FAAH2: variants seen among roughly 807,000 people sequenced by gnomAD.
FAAH2 encodes the protein fatty acid amide hydrolase 2.
A neutral mutation model predicts 36.9 loss-of-function variants in FAAH2; 60 were observed. The ratio of observed to expected loss-of-function variants is 1.63; its 90% CI spans 1.32 to 2.02. FAAH2 has a LOEUF of 2.02. Ranked by LOEUF, FAAH2 falls within the 30% of genes most tolerant of loss-of-function variation. FAAH2 has a pLI of 0.00. For missense variants in FAAH2, 689 were observed against 397.5 expected, an observed-to-expected ratio of 1.73 and a Z score of -6.23; for synonymous variants, 214 against 143.8, an observed-to-expected ratio of 1.49 and a Z score of -3.49.
chrX:57,139,459 CTTGTTTGT>C, the FAAH2 span, among the ~76,000 whole-genome samples: 1 of 110,956 alleles, frequency 9.0e-6, no homozygotes, highest in Non-Finnish European at 1.9e-5. Context: ...TTTTTGTTTG[CTTGTTTGT>C]TTGTTTGTTT....
At chrX:57,402,106 G>A (rs1054019036) in intron 7 of FAAH2, among the ~76,000 whole-genome samples, 7 of 111,427 alleles carry the variant, frequency 6.3e-5, no homozygotes, top group Non-Finnish European at 1.1e-4. Flanking sequence ...AAGCATACCC[G>A]GGGCTCTGTG....
intron 2 of FAAH2, among the ~76,000 whole-genome samples, chrX:57,294,006 T>C (rs2052061540): frequency 8.9e-6 from 1 of 112,145 alleles, no homozygotes; most frequent in African/African-American, 3.2e-5. Context: ...TCTGTGCTTT[T>C]TTCCTCCCTC....
chrX:57,162,716 T>C, the FAAH2 span, among the ~76,000 whole-genome samples: 1 of 112,213 alleles, frequency 8.9e-6, no homozygotes. Context: ...CTCCATCAGC[T>C]CCTTTAAGCA....
the FAAH2 span, among the ~76,000 whole-genome samples, chrX:57,198,496 C>G: frequency 8.9e-6 from 1 of 112,513 alleles, no homozygotes; most frequent in East Asian, 2.8e-4. Flanking sequence ...GGCTACAAGC[C>G]TCAGTGCTGA....
intron 10 of FAAH2, among the ~76,000 whole-genome samples, chrX:57,462,771 C>G (rs905506522): frequency 8.9e-6 from 1 of 112,502 alleles, no homozygotes; most frequent in Non-Finnish European, 1.9e-5. Flanking sequence ...CCGTCTCTCA[C>G]CATTCCTATT....
chrX:57,486,789 G>T (rs889643596), intron 10 of FAAH2, among the ~76,000 whole-genome samples: 14 of 111,717 alleles, frequency 1.3e-4, no homozygotes, highest in Non-Finnish European at 1.7e-4. Flanking sequence ...GATGCGAAAT[G>T]AAACCATTCC....
the FAAH2 span, among the ~76,000 whole-genome samples, chrX:57,177,029 A>C: frequency 2.7e-5 from 3 of 111,028 alleles, no homozygotes; most frequent in Non-Finnish European, 5.7e-5. Context: ...AAAAATCCCC[A>C]GTATTTTTTT....
intron 7 of FAAH2, among the ~76,000 whole-genome samples, chrX:57,407,509 C>T (rs767877750): frequency 8.9e-6 from 1 of 112,114 alleles, no homozygotes; most frequent in Non-Finnish European, 1.9e-5. Context: ...GAACTCCAAG[C>T]TTTTTGGGGG....
chrX:57,409,469 A>G (rs1296417742), intron 7 of FAAH2, among the ~76,000 whole-genome samples: 1 of 111,242 alleles, frequency 9.0e-6, no homozygotes. Context: ...GATCGTCATT[A>G]ATTTTTCTTT....
chrX:57,175,171 G>T, the FAAH2 span, among the ~76,000 whole-genome samples: 1 of 111,708 alleles, frequency 9.0e-6, no homozygotes, highest in African/African-American at 3.2e-5. Context: ...TCAGTGGAGT[G>T]TTGAAGTCCT....
intron 7 of FAAH2, among the ~76,000 whole-genome samples, chrX:57,419,337 G>T (rs1329903271): frequency 9.0e-6 from 1 of 110,830 alleles, no homozygotes; most frequent in Non-Finnish European, 1.9e-5. Flanking sequence ...CCCACCAACA[G>T]TGTAAAAGTG....
At chrX:57,386,178 A>G (rs1053373143) in intron 7 of FAAH2, among the ~76,000 whole-genome samples, 2 of 111,632 alleles carry the variant, frequency 1.8e-5, no homozygotes, top group African/African-American at 6.5e-5. Flanking sequence ...TAATATCTAA[A>G]TGAAAGAAAT....
chrX:57,354,270 C>A (rs2054104196), intron 5 of FAAH2, among the ~76,000 whole-genome samples: 1 of 110,931 alleles, frequency 9.0e-6, no homozygotes, highest in African/African-American at 3.3e-5. Flanking sequence ...GAAATCATGT[C>A]TTTTGCAGCA....
chrX:57,248,299 G>A, the FAAH2 span, among the ~76,000 whole-genome samples: 8 of 111,716 alleles, frequency 7.2e-5, no homozygotes, highest in African/African-American at 1.6e-4. Flanking sequence ...AGATTACATC[G>A]TTATCTTAAG....
the FAAH2 span, among the ~76,000 whole-genome samples, chrX:57,229,572 G>C: frequency 2.7e-5 from 3 of 111,636 alleles, no homozygotes; most frequent in Non-Finnish European, 5.7e-5. Flanking sequence ...GAAGACAAGG[G>C]GAGAGAAACA....
chrX:57,448,502 G>C (rs757002691), intron 9 of FAAH2, 22 bp from the exon 10 acceptor site: 2 of 1,178,545 alleles, frequency 1.7e-6, no homozygotes, highest in Non-Finnish European at 2.3e-6. Flanking sequence ...ACCTTAACTT[G>C]ATATATGATA....
At chrX:57,483,681 T>G (rs2057420194) in intron 10 of FAAH2, among the ~76,000 whole-genome samples, 1 of 110,395 alleles carries the variant, frequency 9.1e-6, no homozygotes, top group Non-Finnish European at 1.9e-5. Flanking sequence ...GTATTTTTCT[T>G]TCCCTATTTT....
the FAAH2 span, among the ~76,000 whole-genome samples, chrX:57,201,321 A>G: frequency 9.0e-6 from 1 of 110,514 alleles, no homozygotes; most frequent in African/African-American, 3.3e-5. Context: ...TGGGAGGCTG[A>G]GGCAGAGAAT....
At chrX:57,331,545 A>G (rs1314821247) in intron 3 of FAAH2, 53 bp from the exon 4 acceptor site, 1 of 1,088,012 alleles carries the variant, frequency 9.2e-7, no homozygotes, top group Non-Finnish European at 1.2e-6. Context: ...TCAGGAGAAA[A>G]CAACTATTTT....
Sources: allele counts gnomAD v4.1 joint callset (sites outside exome capture counted in the v4.1 genomes callset), GRCh38; gene constraint gnomAD v4.1.1; transcripts MANE v1.5; gene names NCBI Gene and HGNC (gene_info 2026-07-23, HGNC 2026-07-21).